Variants in TRIM44 observed in about 807,000 individuals in gnomAD.
TRIM44 encodes the protein tripartite motif containing 44.
TRIM44 carries 13 observed loss-of-function variants against 37.4 expected under a neutral mutation model. That is an observed-to-expected ratio of 0.35 (90% CI 0.23 to 0.55). The LOEUF is 0.55. Among genes scored for constraint, TRIM44 ranks in the 20% least tolerant of loss-of-function variants. The pLI is 0.89. For synonymous variants in TRIM44, 175 were observed against 157.2 expected, an observed-to-expected ratio of 1.11 and a Z score of -0.85; for missense variants, 426 against 437.2, an observed-to-expected ratio of 0.97 and a Z score of 0.23.
Position 35,712,824 on chromosome 11 carries a change from G to A in TRIM44, c.748-13100G>A, listed in dbSNP as rs16927855. On this transcript the variant is annotated intron_variant, in intron 2 of 4. Coordinates refer to ENST00000299413, the MANE Select transcript of TRIM44 (RefSeq NM_017583.6). Reference sequence around the variant, plus strand: ...GTATTTGACAGTTAATTTAGGAGCCGGGGTACCTAGATATAAAACTTTATT... The same window carrying A: ...GTATTTGACAGTTAATTTAGGAGCCAGGGTACCTAGATATAAAACTTTATT... Among the ~76,000 whole-genome samples the A allele has an allele frequency of 0.014, 2,111 of 152,136 alleles. 117 individuals are homozygous for A. The East Asian group carries it at 0.14, about 10-fold the overall frequency.
chr11:35,673,505 G>C (rs537323595), intron 1 of TRIM44, among the ~76,000 whole-genome samples: 1 of 152,316 alleles, frequency 6.6e-6, no homozygotes, highest in East Asian at 1.9e-4. Flanking sequence ...GAGGGAATAT[G>C]AGATTATTTT....
At chr11:35,697,411 G>A (rs949185392) in intron 2 of TRIM44, among the ~76,000 whole-genome samples, 2 of 147,428 alleles carry the variant, frequency 1.4e-5, no homozygotes, top group Non-Finnish European at 3.0e-5. Context: ...TTTTATGGCT[G>A]CATAGTATTC....
At chr11:35,733,822 C>T (rs891660025) in intron 3 of TRIM44, among the ~76,000 whole-genome samples, 2 of 152,152 alleles carry the variant, frequency 1.3e-5, no homozygotes, top group African/African-American at 4.8e-5. Flanking sequence ...ATGTGCACAT[C>T]CCCATTCTGT....
intron 4 of TRIM44, among the ~76,000 whole-genome samples, chr11:35,780,537 CA>C (rs1853049174): frequency 6.6e-6 from 1 of 152,190 alleles, no homozygotes; most frequent in African/African-American, 2.4e-5. Flanking sequence ...GGGGAACTAA[CA>C]GATATTGTAT....
intron 2 of TRIM44, among the ~76,000 whole-genome samples, chr11:35,685,648 G>T (rs556079254): frequency 6.6e-6 from 1 of 152,076 alleles, no homozygotes; most frequent in Non-Finnish European, 1.5e-5. Flanking sequence ...AGCCAAAGGC[G>T]TCTGAGAGAA....
intron 4 of TRIM44, among the ~76,000 whole-genome samples, chr11:35,766,067 T>C (rs1158957842): frequency 6.6e-6 from 1 of 152,198 alleles, no homozygotes; most frequent in Admixed American, 6.5e-5. Flanking sequence ...TTCTTTCTTC[T>C]CTTTTTCTCT....
chr11:35,762,106 T>A (rs905367375), intron 4 of TRIM44, among the ~76,000 whole-genome samples: 7 of 152,192 alleles, frequency 4.6e-5, no homozygotes, highest in African/African-American at 1.7e-4. Context: ...AACAGTGGAC[T>A]GTCTGAGCCA....
chr11:35,769,975 T>G (rs1379427308), intron 4 of TRIM44, among the ~76,000 whole-genome samples: 2 of 152,196 alleles, frequency 1.3e-5, no homozygotes, highest in African/African-American at 4.8e-5. Flanking sequence ...ATATATTGCA[T>G]GATGCTGAGG....
intron 2 of TRIM44, among the ~76,000 whole-genome samples, chr11:35,720,518 A>G (rs143168922): frequency 6.7e-6 from 1 of 150,208 alleles, no homozygotes; most frequent in Admixed American, 6.7e-5. Context: ...CCCAATCTGT[A>G]TACCTTTTAT....
chr11:35,804,692 C>T (rs142427621), intron 4 of TRIM44, among the ~76,000 whole-genome samples: 1 of 152,292 alleles, frequency 6.6e-6, no homozygotes, highest in African/African-American at 2.4e-5. Flanking sequence ...GGGACAGATG[C>T]CATTAAATAC....
intron 4 of TRIM44, among the ~76,000 whole-genome samples, chr11:35,742,468 ATATAAT>A (rs1302210681): frequency 7.5e-6 from 1 of 133,690 alleles, no homozygotes; most frequent in African/African-American, 2.9e-5. Flanking sequence ...ATTACAATTA[ATATAAT>A]TATATTAATT....
rs1472309431 is a variant in TRIM44, at chr11:35,807,367, A to C, written c.*982A>C. Reference sequence around the variant, plus strand: ...TTCTGAATTCAGCTCATCTCCCAGCATATAGATATATCCTCCTTTAACTCC... The same window carrying C: ...TTCTGAATTCAGCTCATCTCCCAGCCTATAGATATATCCTCCTTTAACTCC... On this transcript the variant is annotated 3_prime_UTR_variant, in exon 5 of 5. Transcript: ENST00000299413. 1 of 152,152 alleles carries C rather than the reference A, an allele frequency of 6.6e-6. No homozygotes were observed. Among genetic ancestry groups the C allele is most frequent in the Non-Finnish European group, 1.5e-5 (1 of 68,012 alleles). 9.4% of individuals were successfully genotyped at this position (152,152 alleles called of 1,614,324 possible).
chr11:35,737,308 CA>C (rs1852338498), intron 4 of TRIM44, among the ~76,000 whole-genome samples: 1 of 152,158 alleles, frequency 6.6e-6, no homozygotes, highest in Non-Finnish European at 1.5e-5. Context: ...GATTTTTAAA[CA>C]GGAATTAACC....
chr11:35,670,076 G>A (rs1851376327), intron 1 of TRIM44, among the ~76,000 whole-genome samples: 1 of 152,130 alleles, frequency 6.6e-6, no homozygotes, highest in Admixed American at 6.5e-5. Flanking sequence ...ACCCGCCTTG[G>A]CTTCCCAAAG....
At chr11:35,684,978 C>T (rs1851557521) in intron 1 of TRIM44, among the ~76,000 whole-genome samples, 1 of 152,144 alleles carries the variant, frequency 6.6e-6, no homozygotes, top group South Asian at 2.1e-4. Flanking sequence ...CTTCAGTGAA[C>T]ACCAGCACAG....
chr11:35,703,709 A>G (rs557429539), intron 2 of TRIM44, among the ~76,000 whole-genome samples: 6 of 151,960 alleles, frequency 3.9e-5, no homozygotes, highest in Admixed American at 3.9e-4. Context: ...GTCCTGTCTG[A>G]TAGAAGGAAA....
intron 2 of TRIM44, among the ~76,000 whole-genome samples, chr11:35,700,254 T>C (rs1851767954): frequency 6.6e-6 from 1 of 152,232 alleles, no homozygotes; most frequent in African/African-American, 2.4e-5. Context: ...AATTTACTGA[T>C]AAACCAGCAA....
chr11:35,772,059 A>G (rs1216577325), intron 4 of TRIM44, among the ~76,000 whole-genome samples: 1 of 152,170 alleles, frequency 6.6e-6, no homozygotes, highest in Non-Finnish European at 1.5e-5. Context: ...CACTCCAGCC[A>G]TGGCTGAAAG....
At chr11:35,756,499 A>C (rs9666129) in intron 4 of TRIM44, among the ~76,000 whole-genome samples, 6,293 of 151,992 alleles carry the variant, frequency 0.041, 323 homozygotes, top group East Asian at 0.14. Context: ...CCCTTTATTT[A>C]CTTCTCCTGC....
Sources: gnomAD v4.1 joint callset for allele counts (sites outside exome capture counted in the v4.1 genomes callset) on GRCh38, gnomAD v4.1.1 for gene constraint, MANE v1.5 for transcripts, NCBI Gene and HGNC (gene_info 2026-07-23, HGNC 2026-07-21) for gene names.